ACSM5: variants seen among roughly 807,000 people sequenced by gnomAD.
The protein encoded by ACSM5 is acyl-CoA synthetase medium chain family member 5, also known as acyl-coenzyme A synthetase ACSM5, mitochondrial.
ACSM5 carries 56 observed loss-of-function variants against 71.6 expected under a neutral mutation model. The observed-to-expected ratio is 0.78, with a 90% CI of 0.63 to 0.98. The LOEUF (loss-of-function observed/expected upper bound fraction) is 0.98, where lower values mean the gene tolerates loss of function less well. Ranked by LOEUF, ACSM5 falls within the 50% of genes least tolerant of loss-of-function variation. The pLI, the probability that ACSM5 is intolerant of heterozygous loss-of-function variation, is 0.00. For synonymous variants in ACSM5, 285 were observed against 281.5 expected, an observed-to-expected ratio of 1.01 and a Z score of -0.12; for missense variants, 723 against 726.0, an observed-to-expected ratio of 1.00 and a Z score of 0.05.
chr16:20,410,597 G>T (rs1230776593), intron 1 of ACSM5, among the ~76,000 whole-genome samples: 1 of 152,150 alleles, frequency 6.6e-6, no homozygotes, highest in Non-Finnish European at 1.5e-5. Flanking sequence ...AGCCACACAT[G>T]GTGGCTAGTG....
chr16:20,415,791 T>C (rs1966855212), intron 2 of ACSM5, among the ~76,000 whole-genome samples: 1 of 152,168 alleles, frequency 6.6e-6, no homozygotes, highest in South Asian at 2.1e-4. Flanking sequence ...GTTTTCTCAG[T>C]TGGATTCAGA....
At chr16:20,422,658 T>A (rs1966902167) in intron 5 of ACSM5, among the ~76,000 whole-genome samples, 3 of 152,198 alleles carry the variant, frequency 2.0e-5, no homozygotes, top group Admixed American at 2.0e-4. Flanking sequence ...ATATGTTTTT[T>A]AAAGGCTCAC....
chr16:20,435,987 TTTC>T (rs1391638435), intron 10 of ACSM5, among the ~76,000 whole-genome samples: 2 of 150,236 alleles, frequency 1.3e-5, no homozygotes, highest in African/African-American at 4.9e-5. Context: ...TTTTTCTTTC[TTTC>T]TTTTCTTTCT....
chr16:20,418,884 C>G (rs994043084), intron 3 of ACSM5, among the ~76,000 whole-genome samples: 2 of 152,156 alleles, frequency 1.3e-5, no homozygotes, highest in Non-Finnish European at 2.9e-5. Context: ...AATAAAAGAA[C>G]CAGTGATATT....
At position 20,419,401 on chromosome 16, in the gene ACSM5, C is replaced by T. The variant is rs373907643; in HGVS notation, c.589C>T (p.Arg197Trp). The change falls in exon 4 of 14, where the codon CGG (arginine) becomes TGG (tryptophan). Residue 197 changes from arginine to tryptophan, a missense_variant. Coordinates refer to ENST00000331849, the MANE Select transcript of ACSM5 (RefSeq NM_017888.3). ...CAAGCTGCTGGTGTCAGACAGCAGT[C>T]GGCCAGGCTGGTTGAACTTCAGGGA... Reference protein sequence around the residue: ...QTKLLVSDSSRPGWLNFRELL... With the variant: ...QTKLLVSDSSWPGWLNFRELL... The T allele has an allele frequency of 9.0e-5, 146 of 1,614,196 alleles. No individual in the cohort carries two copies. Among genetic ancestry groups the T allele is most frequent in the Non-Finnish European group, 9.1e-5 (107 of 1,180,030 alleles).
intron 10 of ACSM5, 75 bp downstream of exon 10, chr16:20,431,396 C>A: frequency 8.2e-7 from 1 of 1,213,076 alleles, no homozygotes; most frequent in South Asian, 1.2e-5. Flanking sequence ...TTGTAAATAT[C>A]TATTTGTTTA....
At chr16:20,437,599 C>T (rs1056695196) in intron 12 of ACSM5, among the ~76,000 whole-genome samples, 1 of 140,930 alleles carries the variant, frequency 7.1e-6, no homozygotes, top group Non-Finnish European at 1.5e-5. Context: ...ACAACTACAT[C>T]CCAGAGAGGC....
At chr16:20,423,781 T>C (rs1596616599) in intron 5 of ACSM5, 135 bp from the exon 6 acceptor site, 2 of 1,008,314 alleles carry the variant, frequency 2.0e-6, no homozygotes, top group Non-Finnish European at 2.9e-6. Context: ...GTTGACTTGA[T>C]GGTCTTGTTC....
At chr16:20,418,294 T>C (rs779669678) in intron 3 of ACSM5, 25 bp downstream of exon 3, 3 of 1,591,154 alleles carry the variant, frequency 1.9e-6, no homozygotes, top group Non-Finnish European at 2.6e-6. Context: ...CTGGGAATTT[T>C]AGTTGGGGGC....
In ACSM5 at chr16:20,427,783, T is replaced by C; in HGVS notation, c.922-5T>C. 6.2e-7 allele frequency: 1 copy of C among 1,609,508 alleles called. No individual in the cohort carries two copies. The highest frequency in any genetic ancestry group is 8.5e-7 in the Non-Finnish European group (1 of 1,175,836). On this transcript the variant is annotated splice_region_variant and splice_polypyrimidine_tract_variant and intron_variant, in intron 6 of 13. Coordinates refer to ENST00000331849, the MANE Select transcript of ACSM5 (RefSeq NM_017888.3). Reference sequence around the variant, plus strand: ...GGACATCTTTCACCCTTTGTTTTTGTTTAGACTCTCTCCAAATTCCCGATA... The same window carrying C: ...GGACATCTTTCACCCTTTGTTTTTGCTTAGACTCTCTCCAAATTCCCGATA...
rs1596615112 is a variant in ACSM5 at position 20,421,344 on chromosome 16, C to G, written c.710C>G (p.Pro237Arg). 6.2e-7 allele frequency: 1 copy of G among 1,609,578 alleles called. No individual in the cohort carries two copies. The highest frequency in any genetic ancestry group is 2.2e-5 in the East Asian group (1 of 44,516). ...TTTACCAGCGGAACCACCGGGGCCCCCAAGATGGTCGAGCACTCCCAGAGC... is the reference window on the plus strand; with the variant it reads ...TTTACCAGCGGAACCACCGGGGCCCGCAAGATGGTCGAGCACTCCCAGAGC... ...IYFTSGTTGAPKMVEHSQSSY... is the reference protein window; with the variant it reads ...IYFTSGTTGARKMVEHSQSSY... Residue 237 changes from proline (P) to arginine (R), a missense_variant, in exon 5 of 14, where the codon CCC becomes CGC. By Grantham distance (103) the Pro-to-Arg change is moderately radical. Transcript: ENST00000331849.
At chr16:20,435,033 T>C (rs1013316455) in intron 10 of ACSM5, among the ~76,000 whole-genome samples, 9 of 152,134 alleles carry the variant, frequency 5.9e-5, no homozygotes, top group African/African-American at 2.2e-4. Flanking sequence ...TTAAGTCTTT[T>C]TTGTTTTGTT....
chr16:20,419,703 T>A (rs1251364508), intron 4 of ACSM5: 9 of 497,610 alleles, frequency 1.8e-5, no homozygotes, highest in Non-Finnish European at 3.3e-5. Context: ...CCATTCAGAG[T>A]ACATGAAATA....
intron 2 of ACSM5, among the ~76,000 whole-genome samples, chr16:20,417,842 A>G (rs1265259857): frequency 6.6e-6 from 1 of 152,230 alleles, no homozygotes; most frequent in Non-Finnish European, 1.5e-5. Context: ...GCAAAAAACT[A>G]ATAAAATTGG....
chr16:20,415,996 G>A lies in ACSM5; in HGVS notation c.205-2063G>A, dbSNP rs576566926. 5.3e-5 allele frequency among the ~76,000 whole-genome samples: 8 copies of A among 152,088 alleles called. No homozygotes were observed. In the South Asian group the frequency reaches 1.7e-3, roughly 32 times the overall value. ...TTTCATTTACTAATAGCGTCAAAAA[G>A]AACGAAATACATATAAATAAATTTA... On this transcript the variant is annotated intron_variant, in intron 2 of 13. Coordinates refer to ENST00000331849, the MANE Select transcript of ACSM5 (RefSeq NM_017888.3).
At chr16:20,424,931 G>A (rs1421627337) in intron 6 of ACSM5, among the ~76,000 whole-genome samples, 7 of 152,350 alleles carry the variant, frequency 4.6e-5, no homozygotes, top group East Asian at 1.9e-4. Context: ...CATGCAATGC[G>A]TGAAAATCAC....
intron 7 of ACSM5, among the ~76,000 whole-genome samples, chr16:20,428,546 C>T (rs1190486009): frequency 2.6e-5 from 4 of 152,202 alleles, no homozygotes; most frequent in East Asian, 1.9e-4. Context: ...ACCTGTTCTC[C>T]CTCTTTTGTC....
intron 2 of ACSM5, chr16:20,411,927 A>G (rs551043145): frequency 3.8e-6 from 2 of 531,900 alleles, no homozygotes; most frequent in Non-Finnish European, 6.8e-6. Context: ...CCCAAATCAC[A>G]CAGTGAGACA....
rs192444282 is a variant in ACSM5, at chr16:20,417,565, G to A, written c.205-494G>A. The stretch of plus-strand genomic sequence containing the variant: ...AGCTGGAGGAGGAGGGAATGGGAAG[G>A]GACAGCTAATTTGCACAATGTTTCT... On this transcript the variant is annotated intron_variant, in intron 2 of 13. Transcript: ENST00000331849. 1.6e-3 allele frequency among the ~76,000 whole-genome samples: 246 copies of A among 152,238 alleles called. No homozygotes were observed. In the Middle Eastern group the frequency reaches 0.024, roughly 15 times the overall value.
Sources: allele counts gnomAD v4.1 joint callset (sites outside exome capture counted in the v4.1 genomes callset), GRCh38; gene constraint gnomAD v4.1.1; transcripts MANE v1.5; gene names NCBI Gene and HGNC (gene_info 2026-07-23, HGNC 2026-07-21).